The following TASP1 variants were observed in gnomAD, a reference collection of about 807,000 sequenced individuals.
TASP1 encodes threonine aspartase 1.
A neutral mutation model predicts 56.6 loss-of-function variants in TASP1; 16 were observed. The ratio of observed to expected loss-of-function variants is 0.28; its 90% CI spans 0.19 to 0.43. TASP1 has a LOEUF of 0.43. TASP1 is among the 20% of genes least tolerant of loss of function. The pLI is 1.00. For missense variants in TASP1, 393 were observed against 511.6 expected (o/e 0.77, Z 2.24); for synonymous variants, 179 against 184.2 (o/e 0.97, Z 0.23).
chr20:13,111,708 T>C, the TASP1 span, among the ~76,000 whole-genome samples: 3 of 152,210 alleles, frequency 2.0e-5, no homozygotes, highest in Admixed American at 2.0e-4. Context: ...CATTCAGGCC[T>C]AGATTCGTGG....
intron 8 of TASP1, among the ~76,000 whole-genome samples, chr20:13,549,278 C>G (rs6134908): frequency 0.16 from 24,604 of 151,950 alleles, 2,296 homozygotes; most frequent in Middle Eastern, 0.22. Flanking sequence ...TGGGACCCGA[C>G]TATGTATTTA....
At chr20:13,120,191 GT>G in the TASP1 span, among the ~76,000 whole-genome samples, 2 of 152,156 alleles carry the variant, frequency 1.3e-5, no homozygotes, top group African/African-American at 4.8e-5. Context: ...TAAGAGTAGA[GT>G]TTTCAAACTC....
chr20:13,507,642 C>T (rs988280255), intron 10 of TASP1, among the ~76,000 whole-genome samples: 1 of 152,198 alleles, frequency 6.6e-6, no homozygotes. Context: ...ACTGTCAAAA[C>T]ATCCATACTA....
intron 13 of TASP1, among the ~76,000 whole-genome samples, chr20:13,406,809 G>C (rs1025975395): frequency 4.0e-5 from 6 of 151,870 alleles, no homozygotes; most frequent in Non-Finnish European, 7.4e-5. Context: ...TGGGACTACA[G>C]GCGCCCGCCA....
Position 13,562,675 on chromosome 20 carries a change from G to A in TASP1, c.569-3561C>T, listed in dbSNP as rs561853802. Among the ~76,000 whole-genome samples the A allele has an allele frequency of 4.0e-5, 6 of 151,766 alleles. No homozygotes were observed. The South Asian group carries it at 1.0e-3, about 26-fold the overall frequency. ...GTGAATCACTTGAATACAGGAGTTC[G>A]AGACCAGCCTGGGCAACATGGTGAA... On this transcript the variant is annotated intron_variant, in intron 7 of 13. Transcript: ENST00000337743.
the TASP1 span, chr20:13,299,630 C>A: frequency 1.5e-6 from 1 of 678,494 alleles, no homozygotes; most frequent in Non-Finnish European, 2.4e-6. The surrounding 1 kb of genome is among the most constrained non-coding windows in gnomAD (Gnocchi z 5.8). Context: ...GCCCAGGGGA[C>A]TGCCTTGTGA....
the TASP1 span, among the ~76,000 whole-genome samples, chr20:13,200,081 A>ATTGTTC: frequency 2.6e-5 from 4 of 152,258 alleles, no homozygotes; most frequent in Non-Finnish European, 5.9e-5. Context: ...AAACAAAAAA[A>ATTGTTC]TAGAACACTT....
chr20:13,189,121 A>G, the TASP1 span, among the ~76,000 whole-genome samples: 1 of 152,192 alleles, frequency 6.6e-6, no homozygotes, highest in African/African-American at 2.4e-5. Context: ...GGACTGCCAG[A>G]TTTGCGAATC....
At chr20:13,636,467 G>A (rs557133107) in intron 1 of TASP1, among the ~76,000 whole-genome samples, 1 of 151,946 alleles carries the variant, frequency 6.6e-6, no homozygotes, top group South Asian at 2.1e-4. Context: ...GCCTTGTGTT[G>A]TTGCTTTTAA....
At chr20:13,153,448 A>G in the TASP1 span, among the ~76,000 whole-genome samples, 2 of 152,192 alleles carry the variant, frequency 1.3e-5, no homozygotes, top group African/African-American at 2.4e-5. Flanking sequence ...CTACCACCAA[A>G]TGCCTCAAAA....
At chr20:13,253,229 G>A in the TASP1 span, among the ~76,000 whole-genome samples, 16,399 of 152,118 alleles carry the variant, frequency 0.11, 1,042 homozygotes, top group African/African-American at 0.16. Flanking sequence ...CTCACCCTGC[G>A]TGTTGATCTC....
intron 10 of TASP1, among the ~76,000 whole-genome samples, chr20:13,496,170 C>A (rs1476139384): frequency 6.6e-6 from 1 of 152,140 alleles, no homozygotes; most frequent in Non-Finnish European, 1.5e-5. Context: ...TCTCCTGCCT[C>A]AGCCTCCTGA....
intron 11 of TASP1, among the ~76,000 whole-genome samples, chr20:13,469,703 C>A (rs1436179877): frequency 6.9e-6 from 1 of 145,730 alleles, no homozygotes; most frequent in Non-Finnish European, 1.5e-5. Flanking sequence ...TCAACATGTA[C>A]TGAAAAAATC....
the TASP1 span, among the ~76,000 whole-genome samples, chr20:13,268,141 C>CTTCTCTT: frequency 6.6e-6 from 1 of 150,522 alleles, no homozygotes; most frequent in African/African-American, 2.5e-5. Context: ...CTTCTCTTCT[C>CTTCTCTT]TTCTCTTCTC....
chr20:13,395,966 GCTGATTA>G (rs1231221946), intron 13 of TASP1, among the ~76,000 whole-genome samples: 1 of 151,814 alleles, frequency 6.6e-6, no homozygotes, highest in Non-Finnish European at 1.5e-5. Flanking sequence ...CTCCCAAAGT[GCTGATTA>G]CAGGCATGAG....
chr20:13,181,650 G>A, the TASP1 span, among the ~76,000 whole-genome samples: 9 of 152,134 alleles, frequency 5.9e-5, no homozygotes, highest in South Asian at 8.3e-4. Context: ...ATGACGATGA[G>A]ACATATTACC....
At chr20:13,534,208 G>A in intron 8 of TASP1, 67 bp from the exon 9 acceptor site, 1 of 1,559,486 alleles carries the variant, frequency 6.4e-7, no homozygotes, top group East Asian at 2.3e-5. Flanking sequence ...TGACTACATA[G>A]CACTTTTCCA....
At chr20:13,228,563 C>T in the TASP1 span, among the ~76,000 whole-genome samples, 1 of 151,852 alleles carries the variant, frequency 6.6e-6, no homozygotes, top group African/African-American at 2.4e-5. Flanking sequence ...AAACTTGATG[C>T]TTTTATGATT....
chr20:13,523,416 C>A (rs1484599457), intron 10 of TASP1, among the ~76,000 whole-genome samples: 1 of 152,152 alleles, frequency 6.6e-6, no homozygotes, highest in Non-Finnish European at 1.5e-5. Flanking sequence ...TCACATAACC[C>A]CCCTCTCACA....
Sources: allele counts gnomAD v4.1 joint callset (sites outside exome capture counted in the v4.1 genomes callset), GRCh38; gene constraint gnomAD v4.1.1; non-coding constraint Gnocchi (gnomAD v3.1); transcripts MANE v1.5; gene names NCBI Gene and HGNC (gene_info 2026-07-23, HGNC 2026-07-21).